The following DNAJC27 variants were observed in gnomAD, a reference collection of about 807,000 sequenced individuals.
DNAJC27 encodes the protein DnaJ heat shock protein family (Hsp40) member C27.
Under a neutral mutation model 31.4 loss-of-function variants are expected in DNAJC27, and 25 were observed. That is an observed-to-expected ratio of 0.80 (90% CI 0.58 to 1.11). The LOEUF is 1.11. DNAJC27 is among the 50% of genes most tolerant of loss of function. The probability of loss-of-function intolerance (pLI) is 0.00; values close to 1 mark genes in which losing one functional copy is unlikely to be tolerated. For missense variants in DNAJC27, 356 were observed against 347.3 expected (o/e 1.02, Z -0.20); for synonymous variants, 106 against 112.7 (o/e 0.94, Z 0.37).
chr2:24,949,269 C>G (rs1317306853), intron 6 of DNAJC27, among the ~76,000 whole-genome samples: 1 of 152,190 alleles, frequency 6.6e-6, no homozygotes, highest in Non-Finnish European at 1.5e-5. Flanking sequence ...TTATTTGTCC[C>G]AAAGACCCCG....
In DNAJC27 at chr2:24,961,740, T is replaced by C. The variant is rs560246759; in HGVS notation, c.240+1665A>G. On this transcript the variant is annotated intron_variant, in intron 3 of 6. Coordinates refer to ENST00000264711, the MANE Select transcript of DNAJC27 (RefSeq NM_016544.3). ...TAGAATTAGAAGTAGGGCCTGAAGA[T>C]GTGACTGAATTACTGCAGTCTCACG... 3.3e-5 allele frequency among the ~76,000 whole-genome samples: 5 copies of C among 152,278 alleles called. No individual in the cohort carries two copies. In the East Asian group the frequency reaches 9.6e-4, roughly 29 times the overall value.
Position 24,944,986 on chromosome 2 carries a change from T to C in DNAJC27, c.*2630A>G, listed in dbSNP as rs1665612706. The C allele has an allele frequency of 6.6e-6, 1 of 152,530 alleles. No individual in the cohort carries two copies. Among genetic ancestry groups the C allele is most frequent in the African/African-American group, 2.4e-5 (1 of 41,464 alleles). 9.4% of individuals were successfully genotyped at this position (152,530 alleles called of 1,614,324 possible). Reference sequence around the variant, plus strand: ...AAAAACGTTTTAGCCATTGTAATTATTCTGCTAGCTGTTACTCTCACTAAT... The same window carrying C: ...AAAAACGTTTTAGCCATTGTAATTACTCTGCTAGCTGTTACTCTCACTAAT... On this transcript the variant is annotated 3_prime_UTR_variant, in exon 7 of 7. Coordinates refer to ENST00000264711, the MANE Select transcript of DNAJC27 (RefSeq NM_016544.3).
At chr2:24,968,578 G>A (rs893506119) in intron 1 of DNAJC27, among the ~76,000 whole-genome samples, 7 of 151,622 alleles carry the variant, frequency 4.6e-5, no homozygotes, top group Non-Finnish European at 7.4e-5. Flanking sequence ...ATCTGACCCC[G>A]TGAACCGCCC....
chr2:24,965,396 T>C (rs1042047669), intron 2 of DNAJC27, among the ~76,000 whole-genome samples: 7 of 151,842 alleles, frequency 4.6e-5, no homozygotes, highest in Admixed American at 2.0e-4. Flanking sequence ...GTTGGGATTA[T>C]AGGCAACTGC....
chr2:24,951,124 C>T (rs900891422), intron 6 of DNAJC27, among the ~76,000 whole-genome samples: 2 of 152,222 alleles, frequency 1.3e-5, no homozygotes, highest in Non-Finnish European at 2.9e-5. Context: ...CTTTTCAAAG[C>T]TCTTCTTGTT....
chr2:24,967,065 G>C (rs1666202560), intron 2 of DNAJC27, 146 bp downstream of exon 2: 1 of 649,884 alleles, frequency 1.5e-6, no homozygotes, highest in Non-Finnish European at 2.7e-6. Context: ...TACCTGTAAA[G>C]GTCTACTATT....
At chr2:24,962,551 C>T (rs1460529113) in intron 3 of DNAJC27, among the ~76,000 whole-genome samples, 9 of 152,034 alleles carry the variant, frequency 5.9e-5, no homozygotes, top group Non-Finnish European at 2.9e-5. Context: ...CTACTGCTCC[C>T]GGCCTGAATA....
At chr2:24,951,657 TAGAAGTCATGTATAAAGCAA>T in intron 5 of DNAJC27, 103 bp from the exon 6 acceptor site, 1 of 978,450 alleles carries the variant, frequency 1.0e-6, no homozygotes, top group African/African-American at 1.6e-5. Flanking sequence ...CAGCAACTCT[TAGAAGTCATGTATAAAGCAA>T]ATACACACTT....
chr2:24,966,458 T>C (rs1330339189), intron 2 of DNAJC27, among the ~76,000 whole-genome samples: 2 of 152,096 alleles, frequency 1.3e-5, no homozygotes, highest in Non-Finnish European at 2.9e-5. Flanking sequence ...TTTTCCCAAT[T>C]CATTTTTTTT....
At chr2:24,949,095 G>T (rs1665709189) in intron 6 of DNAJC27, among the ~76,000 whole-genome samples, 1 of 152,118 alleles carries the variant, frequency 6.6e-6, no homozygotes, top group African/African-American at 2.4e-5. Flanking sequence ...TCTTAGAGGG[G>T]TCCTGAATTT....
Position 24,947,571 on chromosome 2 carries a change from G to A in DNAJC27, c.*45C>T. 7 of 1,560,492 alleles carry A rather than the reference G, an allele frequency of 4.5e-6. No homozygotes were observed. Among genetic ancestry groups the A allele is most frequent in the Non-Finnish European group, 6.1e-6 (7 of 1,143,336 alleles). The stretch of plus-strand genomic sequence containing the variant: ...GTTGGTTATTTCACCTCTAGGGAAA[G>A]TCTGTTTGCATTTGAGTCCCACATG... On this transcript the variant is annotated 3_prime_UTR_variant, in exon 7 of 7. Transcript: ENST00000264711.
intron 6 of DNAJC27, among the ~76,000 whole-genome samples, chr2:24,948,818 C>T (rs1270323589): frequency 6.6e-6 from 1 of 152,192 alleles, no homozygotes; most frequent in South Asian, 2.1e-4. Flanking sequence ...TCTGTCTCTA[C>T]CAGATGGTTT....
intron 3 of DNAJC27, among the ~76,000 whole-genome samples, chr2:24,958,915 A>G (rs1665975353): frequency 6.6e-6 from 1 of 152,194 alleles, no homozygotes; most frequent in Non-Finnish European, 1.5e-5. Context: ...AAATTCCCAA[A>G]TGTACTCAGA....
In DNAJC27 at chr2:24,947,692, C is replaced by T; in HGVS notation, c.746G>A (p.Cys249Tyr). 3 of 1,613,852 alleles carry T rather than the reference C, an allele frequency of 1.9e-6. No homozygotes were observed. The highest frequency in any genetic ancestry group is 2.5e-6 in the Non-Finnish European group (3 of 1,179,738). The change falls in exon 7 of 7, where the codon TGT becomes TAT. Residue 249 changes from cysteine to tyrosine, a missense_variant. By Grantham distance (194) the Cys-to-Tyr change is radical (BLOSUM62 -2). Coordinates refer to ENST00000264711, the MANE Select transcript of DNAJC27 (RefSeq NM_016544.3). ...GGCATCTTCACTGCCAGGTGCTACA[C>T]ATTTGTCAGGGTGAAGAAGCACAGC... is the stretch of plus-strand genomic sequence containing the variant. ...KLAVLLHPDK[C>Y]VAPGSEDAFK...
intron 3 of DNAJC27, among the ~76,000 whole-genome samples, chr2:24,959,788 A>G (rs2149126727): frequency 6.6e-6 from 1 of 152,314 alleles, no homozygotes; most frequent in Non-Finnish European, 1.5e-5. Context: ...TACTCCTGCA[A>G]AACAGAATGT....
Position 24,963,487 on chromosome 2 carries a change from A to T in DNAJC27, c.171-13T>A. The T allele has an allele frequency of 6.2e-7, 1 of 1,603,976 alleles. No individual in the cohort carries two copies. The highest frequency in any genetic ancestry group is 8.5e-7 in the Non-Finnish European group (1 of 1,173,076). Reference sequence around the variant, plus strand: ...TCTGACGTGTACCCTGAAATGTTCAAATGGAAACAATCCGAAAGAAAGTCA... The same window carrying T: ...TCTGACGTGTACCCTGAAATGTTCATATGGAAACAATCCGAAAGAAAGTCA... On this transcript the variant is annotated splice_polypyrimidine_tract_variant and intron_variant, in intron 2 of 6. Coordinates refer to ENST00000264711, the MANE Select transcript of DNAJC27 (RefSeq NM_016544.3).
intron 3 of DNAJC27, among the ~76,000 whole-genome samples, chr2:24,959,105 C>A (rs1665980294): frequency 1.3e-5 from 2 of 152,164 alleles, no homozygotes; most frequent in African/African-American, 4.8e-5. Context: ...ATGATGAAGC[C>A]CACCAGTCCT....
chr2:24,956,043 A>G (rs955121570), intron 5 of DNAJC27, among the ~76,000 whole-genome samples: 1 of 152,270 alleles, frequency 6.6e-6, no homozygotes, highest in South Asian at 2.1e-4. Context: ...GCAAACCAGC[A>G]TCAACTTTAT....
chr2:24,956,642 T>C (rs535375704), intron 5 of DNAJC27, among the ~76,000 whole-genome samples: 1 of 152,296 alleles, frequency 6.6e-6, no homozygotes, highest in East Asian at 1.9e-4. Flanking sequence ...TTGAAGAAAA[T>C]CTCTGTCCTG....
Sources: allele counts gnomAD v4.1 joint callset (sites outside exome capture counted in the v4.1 genomes callset), GRCh38; gene constraint gnomAD v4.1.1; transcripts MANE v1.5; gene names NCBI Gene and HGNC (gene_info 2026-07-23, HGNC 2026-07-21).